Variants in NEMF observed in about 807,000 individuals in gnomAD.
NEMF encodes nuclear export mediator factor, also known as ribosome quality control complex subunit NEMF.
NEMF carries 89 observed loss-of-function variants against 162.2 expected under a neutral mutation model. The observed-to-expected ratio is 0.55, with a 90% CI of 0.46 to 0.65. The LOEUF (loss-of-function observed/expected upper bound fraction) is 0.65. NEMF is among the 30% of genes least tolerant of loss of function. NEMF has a pLI of 0.00. For missense variants in NEMF, 1,133 were observed against 1,261.9 expected, an observed-to-expected ratio of 0.90 and a Z score of 1.55; for synonymous variants, 421 against 404.5, an observed-to-expected ratio of 1.04 and a Z score of -0.49.
At chr14:49,851,897 G>A in intron 1 of NEMF, 22 bp from the exon 2 acceptor site, 1 of 1,429,872 alleles carries the variant, frequency 7.0e-7, no homozygotes, top group Non-Finnish European at 9.7e-7. Context: ...AAGGAAACAT[G>A]TAACATGTTA....
intron 16 of NEMF, among the ~76,000 whole-genome samples, chr14:49,817,902 T>C (rs1891797255): frequency 6.6e-6 from 1 of 152,162 alleles, no homozygotes; most frequent in African/African-American, 2.4e-5. Flanking sequence ...AAAGGAACAC[T>C]TTCCAACTTG....
chr14:49,805,973 C>G (rs147201804), intron 19 of NEMF, 48 bp downstream of exon 19: 2 of 1,349,250 alleles, frequency 1.5e-6, no homozygotes, highest in African/African-American at 2.9e-5. Context: ...AAATTTGGCA[C>G]ACAGTAGCTC....
Position 49,834,409 on chromosome 14 carries a change from A to T in NEMF, c.615T>A (p.Asn205Lys). 6.2e-7 allele frequency: 1 copy of T among 1,608,886 alleles called. No homozygotes were observed. Among genetic ancestry groups the T allele is most frequent in the Non-Finnish European group, 8.5e-7 (1 of 1,175,262 alleles). ...CCACTTTGACATTACCCGAGAATCC[A>T]TTTTCTAAAAGACAGTGTTCAATGA... ...PALIEHCLLENGFSGNVKVDE... is the reference protein window; with the variant it reads ...PALIEHCLLEKGFSGNVKVDE... The change falls in exon 7 of 33, where the codon AAT becomes AAA. Residue 205 changes from asparagine (N) to lysine (K), a missense_variant. Asn to Lys is a moderately conservative substitution (Grantham distance 94). Coordinates refer to ENST00000298310, the MANE Select transcript of NEMF (RefSeq NM_004713.6).
chr14:49,837,628 A>T (rs1034268344), intron 6 of NEMF, among the ~76,000 whole-genome samples: 6 of 152,268 alleles, frequency 3.9e-5, no homozygotes, highest in African/African-American at 1.2e-4. Context: ...TTCTAATTTC[A>T]TAAGAGAGGA....
intron 13 of NEMF, 55 bp downstream of exon 13, chr14:49,828,999 T>C (rs1214157710): frequency 6.6e-7 from 1 of 1,522,960 alleles, no homozygotes; most frequent in Admixed American, 1.9e-5. Context: ...CAGTGAACAA[T>C]TAAAATAACA....
In NEMF at chr14:49,785,210, G is replaced by C. The variant is rs548289068; in HGVS notation, c.3029+10C>G. On this transcript the variant is annotated intron_variant, in intron 30 of 32. Coordinates refer to ENST00000298310, the MANE Select transcript of NEMF (RefSeq NM_004713.6). The stretch of plus-strand genomic sequence containing the variant: ...CACAAAAGCCATTCTGTCAACTAAT[G>C]GTAACTTACTTGTAGTTTGTCATGG... The C allele has an allele frequency of 6.2e-7, 1 of 1,608,490 alleles. No individual in the cohort carries two copies. The highest frequency in any genetic ancestry group is 1.1e-5 in the South Asian group (1 of 90,948).
chr14:49,833,749 AAAC>A, intron 7 of NEMF, among the ~76,000 whole-genome samples: 1 of 152,340 alleles, frequency 6.6e-6, no homozygotes, highest in Non-Finnish European at 1.5e-5. Flanking sequence ...CTTTGTTCAT[AAAC>A]TAAATTCCCA....
intron 16 of NEMF, among the ~76,000 whole-genome samples, chr14:49,821,664 C>G (rs8019975): frequency 4.0e-4 from 6 of 15,152 alleles, no homozygotes; most frequent in South Asian, 3.8e-3. Flanking sequence ...CCCGGCCAGC[C>G]GCCCCGTCCG....
intron 11 of NEMF, among the ~76,000 whole-genome samples, chr14:49,830,316 G>A (rs919605389): frequency 2.9e-4 from 44 of 152,254 alleles, no homozygotes; most frequent in African/African-American, 8.9e-4. Context: ...CATCTGACTG[G>A]CCTACCTGCT....
rs1380945439 is a variant in NEMF, at chr14:49,785,222, G to A, written c.3027C>T (p.Tyr1009=). The A allele has an allele frequency of 6.2e-7, 1 of 1,611,840 alleles. No individual in the cohort carries two copies. The highest frequency in any genetic ancestry group is 8.5e-7 in the Non-Finnish European group (1 of 1,177,952). ...ICAPYTTMTN[Y]KYKVKLTPGV... ...TCTGTCAACTAATGGTAACTTACTTGTAGTTTGTCATGGTGGTGTAAGGGG... is the reference window on the plus strand; with the variant it reads ...TCTGTCAACTAATGGTAACTTACTTATAGTTTGTCATGGTGGTGTAAGGGG... The change falls in exon 30 of 33, where the codon TAC becomes TAT. Residue 1009 remains tyrosine, a splice_region_variant and synonymous_variant. Transcript: ENST00000298310.
At position 49,826,075 on chromosome 14, in the gene NEMF, CACACAA is replaced by C; in HGVS notation, c.1489-126_1489-121del. 12 of 595,024 alleles carry C rather than the reference CACACAA, an allele frequency of 2.0e-5. No homozygotes were observed. In the East Asian group the frequency reaches 2.5e-4, roughly 13 times the overall value. The allele number at this position is 595,024 out of a possible 1,614,324, so 36.9% of individuals were successfully genotyped here. ...CAAAATGGCACAATCTACACACACA[CACACAA>C]ACACACACACACACAAATACGCATA... is the stretch of plus-strand genomic sequence containing the variant. On this transcript the variant is annotated intron_variant, in intron 15 of 32. Coordinates refer to ENST00000298310, the MANE Select transcript of NEMF (RefSeq NM_004713.6).
chr14:49,827,998 C>T (rs532134545), intron 15 of NEMF, among the ~76,000 whole-genome samples: 1 of 152,090 alleles, frequency 6.6e-6, no homozygotes, highest in Admixed American at 6.6e-5. Flanking sequence ...AAAGAAAGAA[C>T]CAAAGGATTT....
chr14:49,834,228 T>C (rs755582985), intron 7 of NEMF, 135 bp downstream of exon 7: 5 of 631,734 alleles, frequency 7.9e-6, no homozygotes, highest in Non-Finnish European at 1.4e-5. Flanking sequence ...AGTGCTGGGA[T>C]TGCAGGCATG....
chr14:49,786,030 C>T (rs1890162582), intron 29 of NEMF: 1 of 152,382 alleles, frequency 6.6e-6, no homozygotes, highest in African/African-American at 2.4e-5. Context: ...TTGGCTATAC[C>T]ACTATTTCTC....
intron 3 of NEMF, among the ~76,000 whole-genome samples, chr14:49,850,702 G>A (rs1346757121): frequency 2.0e-5 from 3 of 151,252 alleles, no homozygotes; most frequent in East Asian, 1.9e-4. Context: ...ATTAATGTCA[G>A]TGAGTATTCC....
intron 16 of NEMF, among the ~76,000 whole-genome samples, chr14:49,825,217 T>C (rs1892276752): frequency 6.6e-6 from 1 of 152,192 alleles, no homozygotes; most frequent in East Asian, 1.9e-4. Flanking sequence ...ATGCTATTAA[T>C]CTTGACAAAA....
Position 49,782,601 on chromosome 14 carries a change from A to G in NEMF, c.*2035T>C. ...AACCAAAATCTCTTGTACGGTAAGTAACTTTGTACTTGGCACTTAGATTAT... is the reference window on the plus strand; with the variant it reads ...AACCAAAATCTCTTGTACGGTAAGTGACTTTGTACTTGGCACTTAGATTAT... On this transcript the variant is annotated 3_prime_UTR_variant, in exon 33 of 33. Coordinates refer to ENST00000298310, the MANE Select transcript of NEMF (RefSeq NM_004713.6). The G allele has an allele frequency of 6.3e-7, 1 of 1,592,424 alleles. No individual in the cohort carries two copies. Among genetic ancestry groups the G allele is most frequent in the African/African-American group, 1.3e-5 (1 of 74,280 alleles).
At chr14:49,844,061 T>C (rs942293941) in intron 4 of NEMF, among the ~76,000 whole-genome samples, 9 of 150,622 alleles carry the variant, frequency 6.0e-5, no homozygotes, top group Non-Finnish European at 1.0e-4. Flanking sequence ...ATCACACCCT[T>C]GCACTGCAGC....
chr14:49,828,402 C>A, intron 14 of NEMF, 48 bp from the exon 15 acceptor site: 1 of 1,235,536 alleles, frequency 8.1e-7, no homozygotes, highest in Non-Finnish European at 1.2e-6. Context: ...ATTTATTCTT[C>A]AGTTTTCTAC....
Sources: gnomAD v4.1 joint callset for allele counts (sites outside exome capture counted in the v4.1 genomes callset) on GRCh38, gnomAD v4.1.1 for gene constraint, MANE v1.5 for transcripts, NCBI Gene and HGNC (gene_info 2026-07-23, HGNC 2026-07-21) for gene names.